The following CDK5RAP2 variants were observed in gnomAD, a reference collection of about 807,000 sequenced individuals.
CDK5RAP2 encodes the protein CDK5 regulatory subunit associated protein 2, also known as CDK5 regulatory subunit-associated protein 2.
In CDK5RAP2, 147 loss-of-function variants were observed where a neutral mutation model predicts 232.9. The ratio of observed to expected loss-of-function variants is 0.63; its 90% CI spans 0.55 to 0.72. The LOEUF (loss-of-function observed/expected upper bound fraction) is 0.72. CDK5RAP2 is among the 30% of genes least tolerant of loss of function. The pLI, the probability that CDK5RAP2 is intolerant of heterozygous loss-of-function variation, is 0.00. For missense variants in CDK5RAP2, 2,195 were observed against 2,231.5 expected (o/e 0.98, Z 0.33); for synonymous variants, 833 against 833.7 (o/e 1.00, Z 0.01).
chr9:120,491,248 T>C, intron 13 of CDK5RAP2, 59 bp downstream of exon 13: 1 of 1,254,846 alleles, frequency 8.0e-7, no homozygotes, highest in East Asian at 2.3e-5. Context: ...AAAAGAATTA[T>C]TTTTTAAAAA....
intron 25 of CDK5RAP2, among the ~76,000 whole-genome samples, chr9:120,424,141 G>GA (rs1275148822): frequency 6.6e-6 from 1 of 152,210 alleles, no homozygotes; most frequent in East Asian, 1.9e-4. Context: ...TTAAAGCAAA[G>GA]AAGTGGAAAT....
intron 23 of CDK5RAP2, chr9:120,440,531 A>G (rs1032110014): frequency 6.1e-6 from 1 of 163,978 alleles, no homozygotes; most frequent in African/African-American, 2.4e-5. Context: ...GCCCACTGCC[A>G]AACTATGCAA....
intron 12 of CDK5RAP2, among the ~76,000 whole-genome samples, chr9:120,514,616 C>G (rs1014234232): frequency 1.3e-5 from 2 of 152,178 alleles, no homozygotes; most frequent in Non-Finnish European, 2.9e-5. Context: ...GAGAGAGAGT[C>G]TGCTCCTGGT....
intron 25 of CDK5RAP2, among the ~76,000 whole-genome samples, chr9:120,434,336 G>A (rs2035450971): frequency 1.3e-5 from 2 of 152,160 alleles, no homozygotes; most frequent in Admixed American, 1.3e-4. Flanking sequence ...AGGGGAAGCA[G>A]GAGAGGGTGG....
chr9:120,463,525 CTTG>C (rs944435737), intron 18 of CDK5RAP2, among the ~76,000 whole-genome samples: 114 of 152,290 alleles, frequency 7.5e-4, no homozygotes, highest in African/African-American at 2.4e-3. Flanking sequence ...CCCCAAAGAC[CTTG>C]TTGTATTAAT....
At chr9:120,520,759 TGA>T (rs1444414074) in intron 11 of CDK5RAP2, among the ~76,000 whole-genome samples, 1 of 119,480 alleles carries the variant, frequency 8.4e-6, no homozygotes. Flanking sequence ...TCATATCTCA[TGA>T]GATATATCTC....
intron 28 of CDK5RAP2, among the ~76,000 whole-genome samples, chr9:120,412,368 C>T (rs779263573): frequency 2.3e-4 from 35 of 152,218 alleles, no homozygotes; most frequent in Non-Finnish European, 4.6e-4. Flanking sequence ...AGCCAAAATG[C>T]CAGATTCCTG....
rs1362250177 is a variant in CDK5RAP2 at position 120,437,424 on chromosome 9, T to C, written c.3826A>G (p.Thr1276Ala). ...AACTCCTCAAATGCCTTAATCATGG[T>C]GTTCATGTGTTGACGGGAGATGACA... is the stretch of plus-strand genomic sequence containing the variant. ...ICVISRQHMN[T>A]MIKAFEELLQ... The change falls in exon 25 of 38, where the codon ACC becomes GCC. Residue 1276 changes from threonine (T) to alanine (A), a missense_variant. By Grantham distance (58) the Thr-to-Ala change is moderately conservative. Transcript: ENST00000349780. 1.9e-6 allele frequency: 3 copies of C among 1,614,156 alleles called. No individual in the cohort carries two copies. The highest frequency in any genetic ancestry group is 1.7e-5 in the Admixed American group (1 of 60,026).
intron 12 of CDK5RAP2, among the ~76,000 whole-genome samples, chr9:120,496,298 T>A (rs1333644371): frequency 1.0e-4 from 10 of 99,840 alleles, no homozygotes; most frequent in Non-Finnish European, 1.5e-4. Flanking sequence ...GGAGCCCCTC[T>A]GCCCGGCCAG....
In CDK5RAP2 at chr9:120,502,540, C is replaced by T. The variant is rs141799930; in HGVS notation, c.1312-11063G>A. On this transcript the variant is annotated intron_variant, in intron 12 of 37. Transcript: ENST00000349780. ...CTACCTAGGTTAAGAACGTCTTACACGGCTTAAGCAATAAGGGCTACTAAC... is the reference window on the plus strand; with the variant it reads ...CTACCTAGGTTAAGAACGTCTTACATGGCTTAAGCAATAAGGGCTACTAAC... Among the ~76,000 whole-genome samples, 95 of 152,330 alleles carry T rather than the reference C, an allele frequency of 6.2e-4. 1 individual carries two copies. The East Asian group carries it at 9.6e-3, about 15-fold the overall frequency.
At chr9:120,432,916 T>C (rs963453183) in intron 25 of CDK5RAP2, among the ~76,000 whole-genome samples, 1 of 152,184 alleles carries the variant, frequency 6.6e-6, no homozygotes, top group African/African-American at 2.4e-5. Flanking sequence ...AGGACCCAGA[T>C]AGTTCTCCAC....
intron 36 of CDK5RAP2, chr9:120,390,071 C>A: frequency 2.4e-6 from 1 of 417,352 alleles, no homozygotes; most frequent in South Asian, 2.5e-5. Flanking sequence ...CAGAGAACAC[C>A]CTACAGCTGT....
At chr9:120,539,628 A>G (rs538128818) in intron 5 of CDK5RAP2, among the ~76,000 whole-genome samples, 96 of 152,312 alleles carry the variant, frequency 6.3e-4, no homozygotes, top group African/African-American at 2.3e-3. Context: ...GACGATACTC[A>G]AAGTTCTGAC....
At chr9:120,476,234 T>C (rs2038002893) in intron 15 of CDK5RAP2, among the ~76,000 whole-genome samples, 1 of 151,084 alleles carries the variant, frequency 6.6e-6, no homozygotes, top group Middle Eastern at 3.2e-3. Context: ...AAAAAAAAAC[T>C]ACTGTAATGA....
intron 11 of CDK5RAP2, among the ~76,000 whole-genome samples, chr9:120,524,076 C>A (rs1014922053): frequency 6.6e-6 from 1 of 152,010 alleles, no homozygotes; most frequent in Admixed American, 6.6e-5. Flanking sequence ...CTATTACTTA[C>A]CAGTTTTGGG....
chr9:120,453,322 G>A, intron 21 of CDK5RAP2, 134 bp downstream of exon 21: 1 of 779,350 alleles, frequency 1.3e-6, no homozygotes, highest in South Asian at 1.8e-5. Flanking sequence ...TGGAGGCCAG[G>A]GTAAGTGCAA....
intron 6 of CDK5RAP2, 191 bp from the exon 7 acceptor site, chr9:120,536,717 A>G (rs2041408247): frequency 1.5e-6 from 1 of 682,912 alleles, no homozygotes; most frequent in African/African-American, 1.8e-5. Context: ...TGTATCCTGA[A>G]GCATAACAGG....
chr9:120,398,011 G>T (rs1316919396), intron 35 of CDK5RAP2, among the ~76,000 whole-genome samples: 2 of 152,170 alleles, frequency 1.3e-5, no homozygotes, highest in African/African-American at 4.8e-5. Context: ...ATACGTTCTA[G>T]GCTCATACTG....
rs1293529887 is a variant in CDK5RAP2 at position 120,397,559 on chromosome 9, AAAAAAAGAAAAAAG to A, written c.5452-2935_5452-2922del. On this transcript the variant is annotated intron_variant, in intron 35 of 37. Coordinates refer to ENST00000349780, the MANE Select transcript of CDK5RAP2 (RefSeq NM_018249.6). ...AAAACATTCTTAAAAAAAAAAAAAA[AAAAAAAGAAAAAAG>A]AAAAAAAAAAAAGCCCAACACAGTA... 9.6e-3 allele frequency among the ~76,000 whole-genome samples: 1,272 copies of A among 133,072 alleles called. 31 individuals carry two copies. Among genetic ancestry groups the A allele is most frequent in the African/African-American group, 0.036 (1,149 of 31,880 alleles). 87.3% of individuals were successfully genotyped at this position (133,072 alleles called of 152,430 possible).
Sources: allele counts gnomAD v4.1 joint callset (sites outside exome capture counted in the v4.1 genomes callset), GRCh38; gene constraint gnomAD v4.1.1; transcripts MANE v1.5; gene names NCBI Gene and HGNC (gene_info 2026-07-23, HGNC 2026-07-21).